Variants in CSMD2 observed in about 807,000 individuals in gnomAD.
CSMD2 encodes the protein CUB and sushi domain-containing protein 2.
CSMD2 carries 130 observed loss-of-function variants against 398.5 expected under a neutral mutation model. The ratio of observed to expected loss-of-function variants is 0.33; its 90% confidence interval spans 0.28 to 0.38. The LOEUF is 0.38. Ranked by LOEUF, CSMD2 falls within the 10% of genes least tolerant of loss-of-function variation. The pLI, the probability that CSMD2 is intolerant of heterozygous loss-of-function variation, is 1.00. For synonymous variants in CSMD2, 1,828 were observed against 1,908.5 expected (o/e 0.96, Z 1.10); for missense variants, 3,829 against 4,764.9 (o/e 0.80, Z 5.78).
chr1:33,569,578 A>C (rs764915769), intron 51 of CSMD2, 31 bp from the exon 52 acceptor site: 2 of 1,604,022 alleles, frequency 1.2e-6, no homozygotes, highest in Non-Finnish European at 1.7e-6. Context: ...TCAGTAAGCC[A>C]GCCCCAAGAG....
At position 33,546,004 on chromosome 1, in the gene CSMD2, A is replaced by C. The variant is rs753867881; in HGVS notation, c.9100+33T>G. On this transcript the variant is annotated intron_variant, in intron 57 of 70. Coordinates refer to ENST00000373381, the MANE Select transcript of CSMD2 (RefSeq NM_001281956.2). Reference sequence around the variant, plus strand: ...GCAGGGGCGAGCTCTGGGGCTGGGCAAAGGGGAGAAGCAGAATGGTCACAT... The same window carrying C: ...GCAGGGGCGAGCTCTGGGGCTGGGCCAAGGGGAGAAGCAGAATGGTCACAT... 5 of 1,582,754 alleles carry C rather than the reference A, an allele frequency of 3.2e-6. No homozygotes were observed. The South Asian group carries it at 4.5e-5, about 14-fold the overall frequency.
At position 33,990,334 on chromosome 1, in the gene CSMD2, G is replaced by A. The variant is rs555391185; in HGVS notation, c.517+42260C>T. On this transcript the variant is annotated intron_variant, in intron 3 of 70. Coordinates refer to ENST00000373381, the MANE Select transcript of CSMD2 (RefSeq NM_001281956.2). ...AGGATGTAGTAGTAATGTAAGATAT[G>A]TAGTAGTCAGAAGTCCAAAGATCTA... Among the ~76,000 whole-genome samples, 7 of 152,296 alleles carry A rather than the reference G, an allele frequency of 4.6e-5. No individual in the cohort carries two copies. In the South Asian group the frequency reaches 1.0e-3, roughly 23 times the overall value.
intron 2 of CSMD2, among the ~76,000 whole-genome samples, chr1:34,086,736 C>T (rs1413316357): frequency 5.9e-5 from 9 of 152,200 alleles, no homozygotes; most frequent in Non-Finnish European, 1.0e-4. Context: ...ACCCCTTTCA[C>T]TCCATTTTCC....
Position 33,557,812 on chromosome 1 carries a change from C to T in CSMD2, c.8665G>A (p.Gly2889Ser), listed in dbSNP as rs1347840495. 7 of 1,536,064 alleles carry T rather than the reference C, an allele frequency of 4.6e-6. No homozygotes were observed. The highest frequency in any genetic ancestry group is 2.4e-5 in the South Asian group (2 of 84,046). ...ACTGGGGTGCCCAGGAGGTAGAAGC[C>T]GTGGTTGCACCGGTAAGACACAGTG... The part of the protein sequence containing the change: ...GTTVSYRCNH[G>S]FYLLGTPVLS... Residue 2889 changes from glycine (G) to serine (S), a missense_variant, in exon 55 of 71, where the codon GGC becomes AGC. Transcript: ENST00000373381.
At chr1:33,920,675 G>T (rs1643908018) in intron 4 of CSMD2, among the ~76,000 whole-genome samples, 1 of 152,102 alleles carries the variant, frequency 6.6e-6, no homozygotes. Flanking sequence ...CTCGGAATGA[G>T]TTGAGAAGCC....
intron 1 of CSMD2, among the ~76,000 whole-genome samples, chr1:34,111,996 CTCTCTCTCTCTCTCTCTCTCTCTT>C (rs1201005722): frequency 8.6e-5 from 6 of 69,796 alleles, no homozygotes; most frequent in Non-Finnish European, 1.7e-4. Flanking sequence ...CTCTCTCTCT[CTCTCTCTCTCTCTCTCTCTCTCTT>C]TCTCTCTCTT....
Position 33,635,174 on chromosome 1 carries a change from A to G in CSMD2, c.5086+40T>C, listed in dbSNP as rs2148913886. 8.1e-7 allele frequency: 1 copy of G among 1,239,474 alleles called. No individual in the cohort carries two copies. The highest frequency in any genetic ancestry group is 1.9e-4 in the Middle Eastern group (1 of 5,292). 76.8% of individuals were successfully genotyped at this position (1,239,474 alleles called of 1,614,324 possible). On this transcript the variant is annotated intron_variant, in intron 31 of 70. Transcript: ENST00000373381. The surrounding 1 kb of genome is among the most constrained non-coding windows in gnomAD (Gnocchi z 5.0). Reference sequence around the variant, plus strand: ...TGCTCATTTTGGAATGAGGGTGAGGAGTCAGAAAACATATGAACAACAACA... The same window carrying G: ...TGCTCATTTTGGAATGAGGGTGAGGGGTCAGAAAACATATGAACAACAACA...
At chr1:33,866,166 G>A (rs926617726) in intron 5 of CSMD2, among the ~76,000 whole-genome samples, 1 of 152,208 alleles carries the variant, frequency 6.6e-6, no homozygotes, top group Admixed American at 6.5e-5. Context: ...GGGATGAGAG[G>A]TAATACAGTG....
chr1:33,862,139 C>T (rs1364201232), intron 5 of CSMD2: 1 of 152,170 alleles, frequency 6.6e-6, no homozygotes, highest in African/African-American at 2.4e-5. Context: ...ATTTATTTAC[C>T]TTTCCTAAGC....
intron 1 of CSMD2, among the ~76,000 whole-genome samples, chr1:34,153,540 T>C (rs1250882519): frequency 6.6e-6 from 1 of 152,214 alleles, no homozygotes; most frequent in African/African-American, 2.4e-5. Flanking sequence ...TTATGTACAC[T>C]CAGCACTGAA....
At chr1:33,543,772 A>G (rs754519197) in intron 57 of CSMD2, among the ~76,000 whole-genome samples, 2 of 152,200 alleles carry the variant, frequency 1.3e-5, no homozygotes, top group Admixed American at 1.3e-4. Context: ...ATATTTGCTT[A>G]CCCTGAAATA....
intron 2 of CSMD2, among the ~76,000 whole-genome samples, chr1:34,084,574 T>C (rs911972777): frequency 1.3e-5 from 2 of 152,162 alleles, no homozygotes; most frequent in Admixed American, 6.5e-5. Context: ...GCGAAGGACA[T>C]GAACAGACAC....
intron 25 of CSMD2, among the ~76,000 whole-genome samples, chr1:33,679,599 C>G (rs1435470439): frequency 2.6e-5 from 4 of 152,166 alleles, no homozygotes; most frequent in Admixed American, 2.6e-4. Flanking sequence ...AGCAGCGTTG[C>G]TAAGAGTATT....
chr1:34,158,968 A>G (rs1013499528), intron 1 of CSMD2, among the ~76,000 whole-genome samples: 1 of 152,194 alleles, frequency 6.6e-6, no homozygotes, highest in Non-Finnish European at 1.5e-5. Flanking sequence ...TCCTACTTGA[A>G]GATGCCCCTT....
intron 5 of CSMD2, among the ~76,000 whole-genome samples, chr1:33,893,734 G>A (rs1642201769): frequency 1.3e-5 from 2 of 152,226 alleles, no homozygotes; most frequent in South Asian, 2.1e-4. Flanking sequence ...AGACTGTCTT[G>A]CATTCCAGTG....
chr1:33,643,375 A>G (rs971732003), intron 29 of CSMD2, among the ~76,000 whole-genome samples: 2 of 152,236 alleles, frequency 1.3e-5, no homozygotes, highest in African/African-American at 4.8e-5. Flanking sequence ...TAAACAGAAA[A>G]GAACATGTAC....
chr1:33,797,875 C>T (rs900254680), intron 10 of CSMD2, among the ~76,000 whole-genome samples: 10 of 152,256 alleles, frequency 6.6e-5, no homozygotes, highest in Admixed American at 3.3e-4. Flanking sequence ...ATGATTATTA[C>T]GCCTATAATG....
At chr1:34,030,723 C>G (rs970210074) in intron 3 of CSMD2, among the ~76,000 whole-genome samples, 70 of 152,286 alleles carry the variant, frequency 4.6e-4, no homozygotes, top group African/African-American at 1.7e-3. Context: ...CCTTTTTCCT[C>G]AAGCCTCAGG....
intron 15 of CSMD2, among the ~76,000 whole-genome samples, chr1:33,730,612 G>T (rs76555761): frequency 5.9e-5 from 7 of 118,516 alleles, no homozygotes; most frequent in Non-Finnish European, 9.9e-5. Flanking sequence ...GATACAAAAA[G>T]AAATGAAAAA....
Sources: gnomAD v4.1 joint callset for allele counts (sites outside exome capture counted in the v4.1 genomes callset) on GRCh38, gnomAD v4.1.1 for gene constraint, Gnocchi (gnomAD v3.1) non-coding constraint, MANE v1.5 for transcripts, NCBI Gene and HGNC (gene_info 2026-07-23, HGNC 2026-07-21) for gene names.